The following TRHDE variants were observed in gnomAD, a reference collection of about 807,000 sequenced individuals.
TRHDE encodes thyrotropin releasing hormone degrading enzyme.
Under a neutral mutation model 125.7 loss-of-function variants are expected in TRHDE, and 72 were observed. That is an observed-to-expected ratio of 0.57 (90% CI 0.47 to 0.70). The LOEUF (loss-of-function observed/expected upper bound fraction) is 0.70. Among genes scored for constraint, TRHDE ranks in the 30% least tolerant of loss-of-function variants. The pLI is 0.00. For missense variants in TRHDE, 1,110 were observed against 1,327.1 expected (o/e 0.84, Z 2.54); for synonymous variants, 509 against 509.1 (o/e 1.00, Z 0.00).
intron 3 of TRHDE, among the ~76,000 whole-genome samples, chr12:72,386,816 A>G (rs1337168995): frequency 1.3e-5 from 2 of 152,156 alleles, no homozygotes; most frequent in Non-Finnish European, 2.9e-5. Flanking sequence ...ATCTGACACA[A>G]TTGTTCTCTC....
At chr12:72,330,744 A>G (rs1869555617) in intron 2 of TRHDE, among the ~76,000 whole-genome samples, 1 of 152,192 alleles carries the variant, frequency 6.6e-6, no homozygotes, top group Non-Finnish European at 1.5e-5. Flanking sequence ...TATCCTATTA[A>G]AAATAATAGG....
chr12:72,578,435 T>G (rs1163504235), intron 12 of TRHDE, among the ~76,000 whole-genome samples: 1 of 152,168 alleles, frequency 6.6e-6, no homozygotes, highest in Non-Finnish European at 1.5e-5. Flanking sequence ...CCTTGACTGT[T>G]GAGATTATTA....
chr12:72,105,924 A>G (rs1446521793), intron 2 of TRHDE, among the ~76,000 whole-genome samples: 1 of 152,108 alleles, frequency 6.6e-6, no homozygotes, highest in Non-Finnish European at 1.5e-5. Flanking sequence ...CTCTCTTCCT[A>G]GGCAATTTTC....
chr12:72,481,260 C>G (rs1245085006), intron 5 of TRHDE, among the ~76,000 whole-genome samples: 6 of 148,860 alleles, frequency 4.0e-5, no homozygotes, highest in Non-Finnish European at 8.9e-5. Context: ...TACTTTAATA[C>G]TGTTCAAGAT....
intron 2 of TRHDE, among the ~76,000 whole-genome samples, chr12:72,166,735 C>G (rs1170331221): frequency 1.3e-5 from 2 of 152,276 alleles, no homozygotes; most frequent in East Asian, 1.9e-4. Flanking sequence ...AAGATGATTT[C>G]TCAAGACATG....
intron 2 of TRHDE, among the ~76,000 whole-genome samples, chr12:72,352,576 G>A (rs10879408): frequency 0.055 from 8,404 of 151,672 alleles, 458 homozygotes; most frequent in African/African-American, 0.13. Flanking sequence ...GTAATTATAA[G>A]CTTCCTATAT....
chr12:72,378,180 C>T, intron 3 of TRHDE, 59 bp downstream of exon 3: 1 of 1,466,744 alleles, frequency 6.8e-7, no homozygotes, highest in Non-Finnish European at 9.1e-7. Context: ...ATTTCTTCTT[C>T]ATGTGTTTAT....
chr12:72,445,036 CCTT>C (rs904686296), intron 3 of TRHDE, among the ~76,000 whole-genome samples: 2 of 151,830 alleles, frequency 1.3e-5, no homozygotes, highest in South Asian at 2.1e-4. Context: ...CCAACAAGTA[CCTT>C]CTTCTTCTCC....
At chr12:72,190,302 A>G (rs1165904975) in intron 2 of TRHDE, among the ~76,000 whole-genome samples, 1 of 152,212 alleles carries the variant, frequency 6.6e-6, no homozygotes, top group Non-Finnish European at 1.5e-5. Flanking sequence ...GAGAAAGAAA[A>G]AGTTCAAGTC....
chr12:72,200,704 C>T (rs1321292102), intron 2 of TRHDE, among the ~76,000 whole-genome samples: 2 of 152,146 alleles, frequency 1.3e-5, no homozygotes, highest in Non-Finnish European at 2.9e-5. Context: ...AAGAGGCAGT[C>T]TTGCAAATTT....
intron 12 of TRHDE, among the ~76,000 whole-genome samples, chr12:72,596,105 G>A (rs144519396): frequency 1.7e-4 from 26 of 152,006 alleles, no homozygotes; most frequent in Non-Finnish European, 2.7e-4. Flanking sequence ...ATCTTTCTAC[G>A]TAATATATTC....
chr12:72,508,325 C>T (rs895996947), intron 6 of TRHDE, among the ~76,000 whole-genome samples: 3 of 152,206 alleles, frequency 2.0e-5, no homozygotes, highest in African/African-American at 7.2e-5. Context: ...TTGAGAGCAG[C>T]CATGGGAACT....
intron 2 of TRHDE, among the ~76,000 whole-genome samples, chr12:72,197,125 A>G (rs1877461001): frequency 6.6e-6 from 1 of 152,046 alleles, no homozygotes; most frequent in Non-Finnish European, 1.5e-5. Flanking sequence ...TTGAAACACT[A>G]TCTTTAGTAA....
chr12:72,667,272 T>C lies in TRHDE; in HGVS notation c.*4077T>C, dbSNP rs1050234574. ...TCATGAAGTAACCATGTACACCTAA[T>C]AAAGAAATAGTAAAAGCACATATAA... On this transcript the variant is annotated 3_prime_UTR_variant, in exon 19 of 19. Coordinates refer to ENST00000261180, the MANE Select transcript of TRHDE (RefSeq NM_013381.3). The C allele has an allele frequency of 1.3e-5, 2 of 151,830 alleles. No homozygotes were observed. The highest frequency in any genetic ancestry group is 2.9e-5 in the Non-Finnish European group (2 of 67,852). 9.4% of individuals were successfully genotyped at this position (151,830 alleles called of 1,614,324 possible). A position where few individuals can be genotyped will look rare whatever the true frequency, so the allele number is the denominator to read the frequency against.
intron 6 of TRHDE, among the ~76,000 whole-genome samples, chr12:72,532,468 A>T (rs1592517347): frequency 6.6e-6 from 1 of 151,282 alleles, no homozygotes; most frequent in East Asian, 2.0e-4. Context: ...ATATTAGTAG[A>T]GTGAATTCTT....
intron 6 of TRHDE, among the ~76,000 whole-genome samples, chr12:72,515,478 TG>T (rs1367745262): frequency 6.6e-6 from 1 of 152,126 alleles, no homozygotes; most frequent in Non-Finnish European, 1.5e-5. Context: ...CACTTTTTGA[TG>T]GGGATGTCTG....
chr12:72,657,575 ACAAG>A (rs1874755457), intron 18 of TRHDE, among the ~76,000 whole-genome samples: 1 of 152,198 alleles, frequency 6.6e-6, no homozygotes, highest in African/African-American at 2.4e-5. Flanking sequence ...TGGTACAATC[ACAAG>A]TGAATTTTAT....
At chr12:72,269,239 A>T (rs1006331850), upstream of TRHDE, among the ~76,000 whole-genome samples, 6 of 152,184 alleles carry the variant, frequency 3.9e-5, no homozygotes, top group Non-Finnish European at 8.8e-5. Context: ...AAATTAAAAA[A>T]ATAAAACTCA....
Position 72,473,068 on chromosome 12 carries a change from G to A in TRHDE, c.1472G>A (p.Trp491Ter). 1 of 1,612,796 alleles carries A rather than the reference G, an allele frequency of 6.2e-7. No homozygotes were observed. Among genetic ancestry groups the A allele is most frequent in the Non-Finnish European group, 8.5e-7 (1 of 1,178,986 alleles). The change falls in exon 5 of 19, where the codon TGG becomes TAG. Residue 491 changes from tryptophan to a stop codon, truncating the protein, a stop_gained and splice_region_variant. Transcript: ENST00000261180. LOFTEE classifies it high-confidence loss of function. ...MVIVHEICHQWFGDLVTPVWW... is the reference protein window; with the variant it reads ...MVIVHEICHQ ...TGACCATTAATTTTGTTACTGCAGT[G>A]GTTTGGTGACCTTGTGACGCCTGTG...
Sources: allele counts gnomAD v4.1 joint callset (sites outside exome capture counted in the v4.1 genomes callset), GRCh38; gene constraint gnomAD v4.1.1; transcripts MANE v1.5; gene names NCBI Gene and HGNC (gene_info 2026-07-23, HGNC 2026-07-21).